CTNNA2: variants seen among roughly 807,000 people sequenced by gnomAD.
The protein encoded by CTNNA2 is catenin alpha 2, also known as catenin alpha-2.
A neutral mutation model predicts 101.0 loss-of-function variants in CTNNA2; 42 were observed. That is an observed-to-expected ratio of 0.42 (90% CI 0.32 to 0.54). The LOEUF (loss-of-function observed/expected upper bound fraction) is 0.54. Ranked by LOEUF, CTNNA2 falls within the 20% of genes least tolerant of loss-of-function variation. The pLI is 0.14. For missense variants in CTNNA2, 871 were observed against 1,223.1 expected (o/e 0.71, Z 4.29); for synonymous variants, 450 against 456.4 (o/e 0.99, Z 0.18).
At chr2:80,273,257 A>G (rs1673639194) in intron 7 of CTNNA2, among the ~76,000 whole-genome samples, 1 of 152,212 alleles carries the variant, frequency 6.6e-6, no homozygotes, top group Non-Finnish European at 1.5e-5. Flanking sequence ...GCCAAAAATC[A>G]TGGAATCGAT....
intron 7 of CTNNA2, among the ~76,000 whole-genome samples, chr2:80,033,714 G>T (rs577077748): frequency 3.4e-4 from 51 of 152,230 alleles, no homozygotes; most frequent in Non-Finnish European, 4.7e-4. Context: ...AGTATCTATG[G>T]TTAGAAATTG....
intron 7 of CTNNA2, among the ~76,000 whole-genome samples, chr2:80,173,812 C>T (rs1705221315): frequency 6.6e-6 from 1 of 152,052 alleles, no homozygotes; most frequent in African/African-American, 2.4e-5. Flanking sequence ...GCCCTGAGCT[C>T]ACCTAGGGAA....
chr2:79,736,708 G>A (rs1670901602), intron 2 of CTNNA2, among the ~76,000 whole-genome samples: 1 of 152,090 alleles, frequency 6.6e-6, no homozygotes, highest in Non-Finnish European at 1.5e-5. Flanking sequence ...AGCAATTGAA[G>A]CCTTCTCTTG....
chr2:80,043,023 CTTT>C (rs1427790028), intron 7 of CTNNA2, among the ~76,000 whole-genome samples: 8 of 42,858 alleles, frequency 1.9e-4, no homozygotes, highest in East Asian at 2.0e-3. Context: ...CTTTCCCTTT[CTTT>C]CTTTCTTTCT....
chr2:80,098,419 G>T (rs575105794), intron 7 of CTNNA2, among the ~76,000 whole-genome samples: 6 of 152,172 alleles, frequency 3.9e-5, no homozygotes, highest in Non-Finnish European at 8.8e-5. Flanking sequence ...CGCCCCCACG[G>T]GGGGGTTGCC....
At chr2:80,226,847 C>A (rs931350583) in intron 7 of CTNNA2, among the ~76,000 whole-genome samples, 4 of 152,170 alleles carry the variant, frequency 2.6e-5, no homozygotes, top group African/African-American at 9.6e-5. Context: ...GCCCCTTCCC[C>A]TCCAGCTCAT....
At chr2:79,536,954 C>A (rs1027982312) in intron 1 of CTNNA2, among the ~76,000 whole-genome samples, 1 of 152,080 alleles carries the variant, frequency 6.6e-6, no homozygotes, top group East Asian at 1.9e-4. Context: ...CGCCCACCTC[C>A]GCCTCCCCAT....
At chr2:79,498,809 C>G (rs1400730239) in intron 4 of CTNNA2, 3 of 152,184 alleles carry the variant, frequency 2.0e-5, no homozygotes, top group African/African-American at 7.2e-5. Flanking sequence ...TTAACAAAAA[C>G]TTCACCTTGG....
At chr2:79,255,068 G>C (rs1048189868) in intron 2 of CTNNA2, among the ~76,000 whole-genome samples, 1 of 152,188 alleles carries the variant, frequency 6.6e-6, no homozygotes, top group Non-Finnish European at 1.5e-5. Context: ...AACTTCCCAA[G>C]TGATTTAATG....
intron 1 of CTNNA2, among the ~76,000 whole-genome samples, chr2:79,575,142 G>T (rs1460980662): frequency 3.3e-5 from 5 of 151,942 alleles, no homozygotes; most frequent in African/African-American, 1.2e-4. Context: ...GCTGTTGGTG[G>T]GCTTCTGGCA....
At chr2:79,914,589 T>A (rs997781873) in intron 7 of CTNNA2, among the ~76,000 whole-genome samples, 2 of 150,516 alleles carry the variant, frequency 1.3e-5, no homozygotes, top group Non-Finnish European at 2.9e-5. Context: ...TAGCTCGAAT[T>A]TTTTTTAAGA....
intron 6 of CTNNA2, among the ~76,000 whole-genome samples, chr2:79,895,694 T>TTA (rs1684660263): frequency 1.2e-5 from 1 of 86,206 alleles, no homozygotes; most frequent in African/African-American, 5.0e-5. Context: ...ATTTCTTAAT[T>TTA]TTTTTTTTTT....
At position 80,614,980 on chromosome 2, in the gene CTNNA2, T is replaced by G. The variant is rs925489785; in HGVS notation, c.2431-4105T>G. Among the ~76,000 whole-genome samples, 4 of 149,228 alleles carry G rather than the reference T, an allele frequency of 2.7e-5. 1 individual carries two copies. The South Asian group carries it at 8.5e-4, about 32-fold the overall frequency. On this transcript the variant is annotated intron_variant, in intron 17 of 18. Coordinates refer to ENST00000402739, the MANE Select transcript of CTNNA2 (RefSeq NM_001282597.3). ...ATTGGTTACTTAAATGCATTGTGAT[T>G]TTTTTTTTCTTGTTTCTACTGGGGC...
chr2:80,606,412 A>ACAC (rs1011187162), intron 16 of CTNNA2, among the ~76,000 whole-genome samples: 4 of 48,652 alleles, frequency 8.2e-5, no homozygotes, highest in African/African-American at 3.6e-4. Context: ...ACACACACAC[A>ACAC]CCCCCCAGGA....
intron 4 of CTNNA2, among the ~76,000 whole-genome samples, chr2:79,431,008 C>G (rs1252795173): frequency 6.6e-6 from 1 of 152,112 alleles, no homozygotes; most frequent in Non-Finnish European, 1.5e-5. Flanking sequence ...GGAAGCCAAG[C>G]ATTGCTGGAA....
At chr2:79,681,235 A>G (rs901140912) in intron 2 of CTNNA2, among the ~76,000 whole-genome samples, 7 of 152,142 alleles carry the variant, frequency 4.6e-5, no homozygotes, top group Non-Finnish European at 7.4e-5. Flanking sequence ...TTTAGAGGGC[A>G]CTATTTTTCT....
chr2:80,529,151 A>G (rs1029180822), intron 9 of CTNNA2, among the ~76,000 whole-genome samples: 16 of 152,188 alleles, frequency 1.1e-4, no homozygotes, highest in Non-Finnish European at 7.3e-5. Context: ...GTATACCATC[A>G]TACTTTGGGG....
At chr2:80,368,233 A>G (rs1213219694) in intron 7 of CTNNA2, among the ~76,000 whole-genome samples, 2 of 152,128 alleles carry the variant, frequency 1.3e-5, no homozygotes, top group Non-Finnish European at 2.9e-5. Flanking sequence ...CTGCAAAGAG[A>G]GATTATAAAA....
At chr2:79,614,709 ATCTC>A (rs1678504303) in intron 1 of CTNNA2, among the ~76,000 whole-genome samples, 1 of 152,194 alleles carries the variant, frequency 6.6e-6, no homozygotes, top group Non-Finnish European at 1.5e-5. Context: ...GTCTTTGATT[ATCTC>A]TTCATATGCA....
Sources: allele counts gnomAD v4.1 joint callset (sites outside exome capture counted in the v4.1 genomes callset), GRCh38; gene constraint gnomAD v4.1.1; transcripts MANE v1.5; gene names NCBI Gene and HGNC (gene_info 2026-07-23, HGNC 2026-07-21).